ENTREP2: variants seen among roughly 807,000 people sequenced by gnomAD.
The protein encoded by ENTREP2 is endosomal transmembrane epsin interactor 2.
the ENTREP2 span, among the ~76,000 whole-genome samples, chr15:29,436,262 G>A: frequency 6.6e-6 from 1 of 152,146 alleles, no homozygotes; most frequent in Admixed American, 6.5e-5. Context: ...TATCTTATAT[G>A]TTAGCAATAC....
chr15:29,648,005 C>T, the ENTREP2 span, among the ~76,000 whole-genome samples: 27 of 152,154 alleles, frequency 1.8e-4, no homozygotes, highest in African/African-American at 5.3e-4. Context: ...AACAAAAACA[C>T]GCAACCAGAA....
the ENTREP2 span, among the ~76,000 whole-genome samples, chr15:29,320,154 T>C: frequency 6.6e-5 from 10 of 152,156 alleles, no homozygotes; most frequent in South Asian, 1.0e-3. Context: ...AGCCCAGAGA[T>C]ACAGGCCCAC....
the ENTREP2 span, among the ~76,000 whole-genome samples, chr15:29,183,940 G>A: frequency 3.3e-5 from 5 of 152,078 alleles, no homozygotes; most frequent in South Asian, 8.3e-4. Context: ...AAATCTGGAA[G>A]GTATTATATT....
the ENTREP2 span, among the ~76,000 whole-genome samples, chr15:29,463,847 C>T: frequency 6.6e-6 from 1 of 152,126 alleles, no homozygotes; most frequent in African/African-American, 2.4e-5. Context: ...AAATGTGGCA[C>T]AGACACACCA....
At chr15:29,527,252 C>T in the ENTREP2 span, among the ~76,000 whole-genome samples, 3 of 152,184 alleles carry the variant, frequency 2.0e-5, no homozygotes, top group Non-Finnish European at 4.4e-5. Flanking sequence ...CGCTCTGTTT[C>T]ATCGGCCCAA....
At chr15:29,177,895 G>A in the ENTREP2 span, among the ~76,000 whole-genome samples, 1 of 150,856 alleles carries the variant, frequency 6.6e-6, no homozygotes. Context: ...TGGGCGAGGG[G>A]AGGCAGGGCG....
the ENTREP2 span, among the ~76,000 whole-genome samples, chr15:29,614,679 C>G: frequency 6.6e-6 from 1 of 152,238 alleles, no homozygotes; most frequent in Admixed American, 6.5e-5. Flanking sequence ...TAGAACCAAC[C>G]GGGTGCTGAA....
the ENTREP2 span, among the ~76,000 whole-genome samples, chr15:29,470,436 C>T: frequency 3.9e-5 from 6 of 152,222 alleles, no homozygotes; most frequent in Non-Finnish European, 8.8e-5. Context: ...ACTTCATTCA[C>T]CTCACGCCTC....
At chr15:29,171,511 C>T in the ENTREP2 span, among the ~76,000 whole-genome samples, 1 of 152,150 alleles carries the variant, frequency 6.6e-6, no homozygotes, top group Non-Finnish European at 1.5e-5. Context: ...GCAGGAGGTC[C>T]TGTCTCCCTC....
the ENTREP2 span, chr15:29,122,745 G>C: frequency 6.6e-6 from 1 of 152,460 alleles, no homozygotes; most frequent in East Asian, 1.9e-4. Context: ...CTGCACATTT[G>C]TTTGCACAAT....
the ENTREP2 span, among the ~76,000 whole-genome samples, chr15:29,588,991 G>T: frequency 9.3e-6 from 1 of 107,666 alleles, no homozygotes; most frequent in East Asian, 2.6e-4. Context: ...CCTTGTCTCA[G>T]AAAAAAAAAA....
chr15:29,656,535 T>C, the ENTREP2 span, among the ~76,000 whole-genome samples: 3 of 152,206 alleles, frequency 2.0e-5, no homozygotes, highest in South Asian at 2.1e-4. Context: ...CCAGTAAATT[T>C]TTAAAGTAGA....
At chr15:29,641,689 G>A in the ENTREP2 span, among the ~76,000 whole-genome samples, 18 of 151,894 alleles carry the variant, frequency 1.2e-4, no homozygotes, top group South Asian at 1.0e-3. Context: ...AAAATTAGCC[G>A]GGCATGGTGG....
At chr15:29,193,413 A>G in the ENTREP2 span, among the ~76,000 whole-genome samples, 2 of 152,252 alleles carry the variant, frequency 1.3e-5, no homozygotes, top group African/African-American at 4.8e-5. Context: ...CTGCCCTTGG[A>G]CATCAGAACT....
the ENTREP2 span, among the ~76,000 whole-genome samples, chr15:29,199,960 T>C: frequency 6.6e-6 from 1 of 152,218 alleles, no homozygotes; most frequent in African/African-American, 2.4e-5. Context: ...TGTTCCAACA[T>C]TTGTTGAAAA....
the ENTREP2 span, among the ~76,000 whole-genome samples, chr15:29,370,032 A>C: frequency 1.3e-5 from 2 of 151,762 alleles, no homozygotes; most frequent in Non-Finnish European, 2.9e-5. Context: ...TGAGCTAAAT[A>C]AACCTATTTT....
chr15:29,656,554 G>A, the ENTREP2 span, among the ~76,000 whole-genome samples: 3 of 152,168 alleles, frequency 2.0e-5, no homozygotes, highest in Non-Finnish European at 4.4e-5. Context: ...GAAGAATTCT[G>A]ATAGCAGACA....
chr15:29,466,977 C>A, the ENTREP2 span, among the ~76,000 whole-genome samples: 1 of 123,070 alleles, frequency 8.1e-6, no homozygotes, highest in East Asian at 2.6e-4. Flanking sequence ...TGCTGCAGCC[C>A]CCAGGGGAGG....
chr15:29,437,062 T>C, the ENTREP2 span, among the ~76,000 whole-genome samples: 82 of 152,362 alleles, frequency 5.4e-4, no homozygotes, highest in South Asian at 0.017. Flanking sequence ...AGACGTTACA[T>C]TCCACTTCAT....
Sources: gnomAD v4.1 joint callset for allele counts (sites outside exome capture counted in the v4.1 genomes callset) on GRCh38, gnomAD v4.1.1 for gene constraint, MANE v1.5 for transcripts, NCBI Gene and HGNC (gene_info 2026-07-23, HGNC 2026-07-21) for gene names.